The following SRGAP3 variants were observed in gnomAD, a reference collection of about 807,000 sequenced individuals.
SRGAP3 encodes SLIT-ROBO Rho GTPase activating protein 3.
A neutral mutation model predicts 121.1 loss-of-function variants in SRGAP3; 39 were observed. The observed-to-expected ratio is 0.32, with a 90% CI of 0.25 to 0.42. The LOEUF (loss-of-function observed/expected upper bound fraction) is 0.42, where lower values mean the gene tolerates loss of function less well. SRGAP3 is among the 10% of genes least tolerant of loss of function. SRGAP3 has a pLI of 1.00. For synonymous variants in SRGAP3, 601 were observed against 570.0 expected (o/e 1.05, Z -0.77); for missense variants, 1,213 against 1,470.6 (o/e 0.82, Z 2.86).
chr3:9,254,424 G>A (rs556153446), upstream of SRGAP3, among the ~76,000 whole-genome samples: 1 of 152,314 alleles, frequency 6.6e-6, no homozygotes, highest in African/African-American at 2.4e-5. Context: ...ACAGAAGAGT[G>A]GTTGTCAGGG....
At chr3:9,191,722 A>ACATTGAAC (rs1163319239) in intron 1 of SRGAP3, among the ~76,000 whole-genome samples, 2 of 152,244 alleles carry the variant, frequency 1.3e-5, no homozygotes, top group Admixed American at 6.5e-5. Flanking sequence ...TTCAAATCTC[A>ACATTGAAC]CATTGAACGA....
intron 2 of SRGAP3, chr3:9,326,235 A>G (rs1409955966): frequency 6.6e-6 from 1 of 151,968 alleles, no homozygotes. Flanking sequence ...AAAATACACT[A>G]TAGCATAATA....
intron 3 of SRGAP3, among the ~76,000 whole-genome samples, chr3:9,098,848 C>T (rs1399174068): frequency 1.3e-5 from 2 of 152,176 alleles, no homozygotes; most frequent in African/African-American, 2.4e-5. Flanking sequence ...GTTGGGAGTG[C>T]CTGATGATGA....
At chr3:9,168,927 G>C (rs755863006) in intron 1 of SRGAP3, among the ~76,000 whole-genome samples, 1 of 152,244 alleles carries the variant, frequency 6.6e-6, no homozygotes, top group Non-Finnish European at 1.5e-5. Flanking sequence ...CTCTCCAGGA[G>C]TTAGAGAAAG....
intron 4 of SRGAP3, among the ~76,000 whole-genome samples, chr3:9,069,588 C>T (rs1043454690): frequency 6.6e-6 from 1 of 152,200 alleles, no homozygotes; most frequent in African/African-American, 2.4e-5. Context: ...CATGTGTTCT[C>T]AGAATAAAAG....
intron 3 of SRGAP3, among the ~76,000 whole-genome samples, chr3:9,284,265 C>A (rs1017949027): frequency 5.3e-5 from 8 of 152,044 alleles, no homozygotes; most frequent in African/African-American, 1.9e-4. Flanking sequence ...ACATAAAATA[C>A]CAAAAAGATG....
intron 18 of SRGAP3, among the ~76,000 whole-genome samples, chr3:8,995,399 C>A (rs1281035740): frequency 6.6e-6 from 1 of 152,104 alleles, no homozygotes; most frequent in Non-Finnish European, 1.5e-5. Flanking sequence ...TCACTTGAGC[C>A]TGGGAGGTTG....
intron 1 of SRGAP3, among the ~76,000 whole-genome samples, chr3:9,228,393 G>C (rs1953071229): frequency 6.6e-6 from 1 of 152,182 alleles, no homozygotes; most frequent in Non-Finnish European, 1.5e-5. Context: ...ATGCACCACT[G>C]GCCAATGCTA....
intron 1 of SRGAP3, among the ~76,000 whole-genome samples, chr3:9,226,643 T>C (rs1035396321): frequency 6.6e-6 from 1 of 152,242 alleles, no homozygotes; most frequent in African/African-American, 2.4e-5. Context: ...CAAGTGCTGC[T>C]GCTAAGCACA....
chr3:9,320,298 G>A (rs914252455), intron 3 of SRGAP3, among the ~76,000 whole-genome samples: 7 of 151,954 alleles, frequency 4.6e-5, no homozygotes, highest in Non-Finnish European at 8.8e-5. Context: ...GTTTGGATCT[G>A]TGTTCCCCAC....
chr3:9,099,177 C>T (rs1027488274), intron 3 of SRGAP3, among the ~76,000 whole-genome samples: 6 of 152,180 alleles, frequency 3.9e-5, no homozygotes, highest in African/African-American at 7.2e-5. Flanking sequence ...TGGACATCTT[C>T]GAGGCGGGAA....
chr3:9,157,379 C>T (rs889649880), intron 1 of SRGAP3, among the ~76,000 whole-genome samples: 2 of 152,182 alleles, frequency 1.3e-5, no homozygotes, highest in Non-Finnish European at 2.9e-5. Flanking sequence ...CACCAGGTCC[C>T]CCTCCAACAC....
At chr3:9,180,897 T>G (rs1951374536) in intron 1 of SRGAP3, among the ~76,000 whole-genome samples, 1 of 152,166 alleles carries the variant, frequency 6.6e-6, no homozygotes, top group African/African-American at 2.4e-5. Context: ...ACTCAGTCAT[T>G]TCTCAGCAAC....
At chr3:9,077,692 C>T (rs745420457) in intron 4 of SRGAP3, among the ~76,000 whole-genome samples, 15 of 152,222 alleles carry the variant, frequency 9.9e-5, no homozygotes, top group Non-Finnish European at 1.6e-4. Context: ...AGCCATCCTG[C>T]CCTGCAGCCA....
intron 3 of SRGAP3, among the ~76,000 whole-genome samples, chr3:9,274,880 C>T (rs1389110597): frequency 6.6e-6 from 1 of 152,194 alleles, no homozygotes; most frequent in Non-Finnish European, 1.5e-5. Context: ...TAGTCTCTGA[C>T]ATCCAGCTGC....
At chr3:9,345,812 A>AAAAAG (rs1955880117) in intron 1 of SRGAP3, among the ~76,000 whole-genome samples, 1 of 151,614 alleles carries the variant, frequency 6.6e-6, no homozygotes, top group Non-Finnish European at 1.5e-5. Context: ...AAAGAAAAGA[A>AAAAAG]AAAAGAAAGA....
chr3:8,997,995 C>G (rs60559145), intron 18 of SRGAP3, among the ~76,000 whole-genome samples: 6,917 of 152,116 alleles, frequency 0.045, 516 homozygotes, highest in African/African-American at 0.16. Flanking sequence ...AATTCTTCCA[C>G]CTCAGCCTCC....
At chr3:9,082,076 T>G (rs942351647) in intron 3 of SRGAP3, among the ~76,000 whole-genome samples, 1 of 152,060 alleles carries the variant, frequency 6.6e-6, no homozygotes, top group African/African-American at 2.4e-5. Context: ...ATCATGGGGG[T>G]GAACGGCTCA....
intron 1 of SRGAP3, 64 bp downstream of exon 1, chr3:9,248,821 G>A: frequency 6.5e-7 from 1 of 1,529,722 alleles, no homozygotes; most frequent in East Asian, 2.2e-5. Flanking sequence ...GCGGGGGATG[G>A]GAACCAGAAC....
Sources: allele counts gnomAD v4.1 joint callset (sites outside exome capture counted in the v4.1 genomes callset), GRCh38; gene constraint gnomAD v4.1.1; transcripts MANE v1.5; gene names NCBI Gene and HGNC (gene_info 2026-07-23, HGNC 2026-07-21).